The following MAP3K15 variants were observed in gnomAD, a reference collection of about 807,000 sequenced individuals.
MAP3K15 encodes the protein MAPK/ERK kinase kinase 15.
A neutral mutation model predicts 99.5 loss-of-function variants in MAP3K15; 124 were observed. That is an observed-to-expected ratio of 1.25 (90% CI 1.08 to 1.45). The LOEUF is 1.45. Ranked by LOEUF, MAP3K15 falls within the 40% of genes most tolerant of loss-of-function variation. MAP3K15 has a pLI of 0.00. For missense variants in MAP3K15, 1,242 were observed against 1,079.7 expected, an observed-to-expected ratio of 1.15 and a Z score of -2.11; for synonymous variants, 494 against 439.6, an observed-to-expected ratio of 1.12 and a Z score of -1.55.
intron 1 of MAP3K15, chrX:19,497,199 T>C (rs1042821235): frequency 9.3e-6 from 1 of 107,540 alleles, no homozygotes; most frequent in Admixed American, 9.9e-5. Context: ...TCTCACTCTG[T>C]TGCCCAGGCT....
At chrX:19,503,477 A>C (rs1012434375) in intron 1 of MAP3K15, among the ~76,000 whole-genome samples, 1 of 111,855 alleles carries the variant, frequency 8.9e-6, no homozygotes, top group African/African-American at 3.2e-5. Context: ...TCAGGCTGGA[A>C]TGCAGTGGCG....
chrX:19,501,637 C>T (rs1434750682), intron 1 of MAP3K15, among the ~76,000 whole-genome samples: 6 of 112,263 alleles, frequency 5.3e-5, no homozygotes, highest in Non-Finnish European at 5.6e-5. Flanking sequence ...GTCATCTGTG[C>T]CCACTGATGA....
chrX:19,386,957 C>A (rs1289842923), intron 18 of MAP3K15, among the ~76,000 whole-genome samples: 1 of 111,743 alleles, frequency 8.9e-6, no homozygotes, highest in Non-Finnish European at 1.9e-5. Context: ...AACTTATGAT[C>A]ATCACATCTT....
chrX:19,441,982 T>A (rs866071142), intron 6 of MAP3K15, among the ~76,000 whole-genome samples: 1 of 112,113 alleles, frequency 8.9e-6, no homozygotes, highest in Non-Finnish European at 1.9e-5. Context: ...CACATTGGAA[T>A]AGTGCATGAG....
chrX:19,490,755 TAA>T (rs745597892), intron 1 of MAP3K15, among the ~76,000 whole-genome samples: 9 of 74,489 alleles, frequency 1.2e-4, no homozygotes, highest in Admixed American at 3.1e-4. Flanking sequence ...TCTCATAAAC[TAA>T]AAAAAAAAAA....
At chrX:19,377,541 C>CAA (rs1320327039) in intron 19 of MAP3K15, among the ~76,000 whole-genome samples, 2 of 99,843 alleles carry the variant, frequency 2.0e-5, no homozygotes, top group East Asian at 3.1e-4. Context: ...GAGACTCTGT[C>CAA]AAAAAAAAAA....
chrX:19,383,980 C>T (rs888097970), intron 18 of MAP3K15, among the ~76,000 whole-genome samples: 3 of 111,885 alleles, frequency 2.7e-5, no homozygotes, highest in Non-Finnish European at 5.6e-5. Flanking sequence ...CAACCCCATT[C>T]CTAGGTATAT....
intron 3 of MAP3K15, among the ~76,000 whole-genome samples, chrX:19,472,818 T>C (rs2064217001): frequency 8.9e-6 from 1 of 112,382 alleles, no homozygotes; most frequent in African/African-American, 3.2e-5. Context: ...TGCTGAAATT[T>C]TGACGTTATT....
intron 6 of MAP3K15, among the ~76,000 whole-genome samples, chrX:19,433,743 A>T (rs2063901224): frequency 8.9e-6 from 1 of 112,159 alleles, no homozygotes; most frequent in South Asian, 3.7e-4. Flanking sequence ...AAACAAAAAC[A>T]AAAACAAAAC....
chrX:19,420,366 T>C (rs1382571781), intron 9 of MAP3K15, among the ~76,000 whole-genome samples: 8 of 111,435 alleles, frequency 7.2e-5, no homozygotes, highest in East Asian at 2.8e-4. Flanking sequence ...TCACCACTGA[T>C]CCCACAGAAA....
intron 9 of MAP3K15, among the ~76,000 whole-genome samples, chrX:19,420,868 C>T (rs1393819257): frequency 2.7e-5 from 3 of 111,849 alleles, no homozygotes; most frequent in Non-Finnish European, 5.6e-5. Flanking sequence ...GGATGCAAGG[C>T]TGGTTCAACA....
intron 6 of MAP3K15, among the ~76,000 whole-genome samples, chrX:19,433,014 G>T (rs1050889566): frequency 4.5e-5 from 5 of 112,255 alleles, no homozygotes; most frequent in African/African-American, 1.6e-4. Context: ...GCCCAGCCAA[G>T]TGTCCTTAGC....
chrX:19,402,813 C>T (rs2063617988), intron 13 of MAP3K15, among the ~76,000 whole-genome samples: 1 of 111,017 alleles, frequency 9.0e-6, no homozygotes, highest in African/African-American at 3.3e-5. Flanking sequence ...TGGAGGCGCA[C>T]ACCACCACGC....
At position 19,514,970 on chromosome X, in the gene MAP3K15, G is replaced by C. The variant is rs753477495; in HGVS notation, c.292C>G (p.Leu98Val). 8.8e-7 allele frequency: 1 copy of C among 1,138,651 alleles called. No individual in the cohort carries two copies. Among genetic ancestry groups the C allele is most frequent in the Non-Finnish European group, 1.2e-6 (1 of 865,895 alleles). 93.8% of individuals were successfully genotyped at this position (1,138,651 alleles called of 1,213,427 possible). ...LRACEAEGAH[L>V]TSVPFGELDF... is the part of the protein sequence containing the mutation. Reference sequence around the variant, plus strand: ...AGCTCCCCGAAGGGCACGGAGGTGAGGTGAGCGCCCTCGGCCTCGCAGGCC... The same window carrying C: ...AGCTCCCCGAAGGGCACGGAGGTGACGTGAGCGCCCTCGGCCTCGCAGGCC... Residue 98 changes from leucine (L) to valine (V), a missense_variant, in exon 1 of 29, where the codon CTC (leucine) becomes GTC (valine). By Grantham distance (32) the Leu-to-Val change is conservative. Transcript: ENST00000338883.
intron 6 of MAP3K15, among the ~76,000 whole-genome samples, chrX:19,444,406 C>A (rs1420854428): frequency 8.9e-6 from 1 of 111,732 alleles, no homozygotes; most frequent in Non-Finnish European, 1.9e-5. Flanking sequence ...TTCTCCTGAG[C>A]TGCTGTGAGG....
chrX:19,489,366 T>G (rs1217321469), intron 1 of MAP3K15, among the ~76,000 whole-genome samples: 1 of 111,273 alleles, frequency 9.0e-6, no homozygotes, highest in Non-Finnish European at 1.9e-5. Context: ...CATGTGCCCC[T>G]CCCTGATCAC....
At chrX:19,426,527 T>C (rs183093497) in intron 7 of MAP3K15, among the ~76,000 whole-genome samples, 184 bp from the exon 8 acceptor site, 2 of 110,895 alleles carry the variant, frequency 1.8e-5, no homozygotes, top group Admixed American at 1.9e-4. Context: ...TAAAAATGTC[T>C]TAATAGGCCA....
intron 3 of MAP3K15, among the ~76,000 whole-genome samples, chrX:19,467,058 ATTC>A (rs954999661): frequency 9.0e-6 from 1 of 111,513 alleles, no homozygotes; most frequent in Non-Finnish European, 1.9e-5. Context: ...GGCCCAAACA[ATTC>A]TTCTTCCTCC....
At chrX:19,423,332 C>T (rs1320023217) in intron 9 of MAP3K15, among the ~76,000 whole-genome samples, 1 of 104,449 alleles carries the variant, frequency 9.6e-6, no homozygotes, top group Non-Finnish European at 2.0e-5. Context: ...TCCCATCCCA[C>T]CCCCTCCCTT....
Sources: allele counts gnomAD v4.1 joint callset (sites outside exome capture counted in the v4.1 genomes callset), GRCh38; gene constraint gnomAD v4.1.1; transcripts MANE v1.5; gene names NCBI Gene and HGNC (gene_info 2026-07-23, HGNC 2026-07-21).